Variants in GALNT9 observed in about 807,000 individuals in gnomAD.
GALNT9 encodes GalNAc transferase 9.
A neutral mutation model predicts 63.1 loss-of-function variants in GALNT9; 47 were observed. The observed-to-expected ratio is 0.75, with a 90% confidence interval of 0.59 to 0.95. The LOEUF (loss-of-function observed/expected upper bound fraction) is 0.95, where lower values mean the gene tolerates loss of function less well. Among genes scored for constraint, GALNT9 ranks in the 40% least tolerant of loss-of-function variants. GALNT9 has a pLI of 0.00. For missense variants in GALNT9, 829 were observed against 874.8 expected (o/e 0.95, Z 0.66); for synonymous variants, 396 against 365.7 (o/e 1.08, Z -0.94).
rs527863301 is a variant in GALNT9 at position 132,314,503 on chromosome 12, T to C, written c.238+14463A>G. On this transcript the variant is annotated intron_variant, in intron 1 of 10. Coordinates refer to ENST00000328957, the MANE Select transcript of GALNT9 (RefSeq NM_001122636.2). ...GAGGAAACCAAGGCTCAGAGAGGAGTAGTGACTTGCCCGAGGTCACCCCAT... is the reference window on the plus strand; with the variant it reads ...GAGGAAACCAAGGCTCAGAGAGGAGCAGTGACTTGCCCGAGGTCACCCCAT... 3.3e-5 allele frequency among the ~76,000 whole-genome samples: 5 copies of C among 152,000 alleles called. No homozygotes were observed. In the South Asian group the frequency reaches 6.2e-4, roughly 19 times the overall value.
At position 132,196,467 on chromosome 12, in the gene GALNT9, C is replaced by T; in HGVS notation, c.*640G>A. 1 of 985,552 alleles carries T rather than the reference C, an allele frequency of 1.0e-6. No individual in the cohort carries two copies. Among genetic ancestry groups the T allele is most frequent in the Non-Finnish European group, 1.2e-6 (1 of 830,028 alleles). 61.1% of individuals were successfully genotyped at this position (985,552 alleles called of 1,614,324 possible). On this transcript the variant is annotated 3_prime_UTR_variant, in exon 11 of 11. Coordinates refer to ENST00000328957, the MANE Select transcript of GALNT9 (RefSeq NM_001122636.2). ...GCCTGGGAAAGAGGTGGGACCGGGC[C>T]CCAACCCCCAGCTCGGCTCCCAGGA...
At chr12:132,260,733 G>T (rs1175704776) in intron 4 of GALNT9, among the ~76,000 whole-genome samples, 2 of 152,282 alleles carry the variant, frequency 1.3e-5, no homozygotes, top group Admixed American at 1.3e-4. Context: ...CCCTCCCGTG[G>T]TTTTGCATTC....
At chr12:132,198,035 G>A (rs1235128094) in intron 9 of GALNT9, 76 bp from the exon 10 acceptor site, 2 of 1,194,190 alleles carry the variant, frequency 1.7e-6, no homozygotes, top group Non-Finnish European at 2.4e-6. Flanking sequence ...GGCCGTGCGA[G>A]CTGCCTTGAG....
At chr12:132,258,947 G>A (rs2135542644) in intron 4 of GALNT9, among the ~76,000 whole-genome samples, 3 of 129,988 alleles carry the variant, frequency 2.3e-5, no homozygotes, top group African/African-American at 6.7e-5. Flanking sequence ...GGCAGATTCG[G>A]GTCGGCTCAG....
Position 132,327,889 on chromosome 12 carries a change from C to T in GALNT9, c.238+1077G>A, listed in dbSNP as rs1255713196. 6.6e-6 allele frequency among the ~76,000 whole-genome samples: 1 copy of T among 151,796 alleles called. No individual in the cohort carries two copies. Among genetic ancestry groups the T allele is most frequent in the Non-Finnish European group, 1.5e-5 (1 of 67,944 alleles). Reference sequence around the variant, plus strand: ...CTGAAGGAAACGCAAGACCACCCCCCGCCTTTGCCCCCACACACAGCAGGC... The same window carrying T: ...CTGAAGGAAACGCAAGACCACCCCCTGCCTTTGCCCCCACACACAGCAGGC... On this transcript the variant is annotated intron_variant, in intron 1 of 10. Coordinates refer to ENST00000328957, the MANE Select transcript of GALNT9 (RefSeq NM_001122636.2). The surrounding 1 kb of genome is among the most constrained non-coding windows in gnomAD (Gnocchi z 4.3).
Position 132,196,870 on chromosome 12 carries a change from A to G in GALNT9, c.*237T>C. On this transcript the variant is annotated 3_prime_UTR_variant, in exon 11 of 11. Coordinates refer to ENST00000328957, the MANE Select transcript of GALNT9 (RefSeq NM_001122636.2). ...GAAGGCACGTGTTTGAGTTGGCATCACTGTCCCCAGACGCCCTCCCTCGGG... is the reference window on the plus strand; with the variant it reads ...GAAGGCACGTGTTTGAGTTGGCATCGCTGTCCCCAGACGCCCTCCCTCGGG... 1 of 1,354,674 alleles carries G rather than the reference A, an allele frequency of 7.4e-7. No individual in the cohort carries two copies. Among genetic ancestry groups the G allele is most frequent in the Non-Finnish European group, 9.5e-7 (1 of 1,052,498 alleles). 83.9% of individuals were successfully genotyped at this position (1,354,674 alleles called of 1,614,324 possible).
chr12:132,286,107 G>T lies in GALNT9; in HGVS notation c.419+143C>A. On this transcript the variant is annotated intron_variant, in intron 2 of 10. Coordinates refer to ENST00000328957, the MANE Select transcript of GALNT9 (RefSeq NM_001122636.2). The surrounding 1 kb of genome is among the most constrained non-coding windows in gnomAD (Gnocchi z 7.4). ...GGGGGCGGTCACTTCCCCGGCGGGC[G>T]TGGGGGGCGGTCACTTCCCTGGCGG... 1 of 1,115,084 alleles carries T rather than the reference G, an allele frequency of 9.0e-7. No homozygotes were observed. The highest frequency in any genetic ancestry group is 1.2e-6 in the Non-Finnish European group (1 of 818,450). 69.1% of individuals were successfully genotyped at this position (1,115,084 alleles called of 1,614,324 possible). A position where few individuals can be genotyped will look rare whatever the true frequency, so the allele number is the denominator to read the frequency against.
Position 132,252,899 on chromosome 12 carries a change from C to T in GALNT9, c.959+4790G>A, listed in dbSNP as rs1048211743. On this transcript the variant is annotated intron_variant, in intron 5 of 10. Transcript: ENST00000328957. This position sits in a 1 kb window ranked among gnomAD's most constrained non-coding sequence, Gnocchi z 5.2. ...ACTGCCTCAAAAAAAAAAAAAGACA[C>T]GGAGACCAGTAGTGGCCCCGAACGG... 6.0e-5 allele frequency among the ~76,000 whole-genome samples: 9 copies of T among 151,158 alleles called. No individual in the cohort carries two copies. Among genetic ancestry groups the T allele is most frequent in the Admixed American group, 2.6e-4 (4 of 15,164 alleles).
At position 132,319,513 on chromosome 12, in the gene GALNT9, G is replaced by A. The variant is rs1179844555; in HGVS notation, c.238+9453C>T. Among the ~76,000 whole-genome samples, 2 of 152,216 alleles carry A rather than the reference G, an allele frequency of 1.3e-5. No individual in the cohort carries two copies. The highest frequency in any genetic ancestry group is 2.9e-5 in the Non-Finnish European group (2 of 68,044). The stretch of plus-strand genomic sequence containing the variant: ...CAGCTTCCCGGGCCTGCAGCTTGCA[G>A]ACGGCAGATGATGGGGCCTCTTGGT... On this transcript the variant is annotated intron_variant, in intron 1 of 10. Transcript: ENST00000328957. This position sits in a 1 kb window ranked among gnomAD's most constrained non-coding sequence, Gnocchi z 5.2.
intron 1 of GALNT9, among the ~76,000 whole-genome samples, chr12:132,292,393 G>T (rs574702745): frequency 1.3e-5 from 2 of 152,182 alleles, no homozygotes; most frequent in East Asian, 3.9e-4. Flanking sequence ...CCCCATCCCC[G>T]CAATGAAGAG....
At chr12:132,230,601 T>A (rs1877853998) in intron 6 of GALNT9, among the ~76,000 whole-genome samples, 1 of 149,258 alleles carries the variant, frequency 6.7e-6, no homozygotes. Flanking sequence ...CTGGCCCTCG[T>A]GGCGGGGAAG....
intron 6 of GALNT9, chr12:132,240,694 T>C: frequency 2.2e-6 from 1 of 455,982 alleles, no homozygotes; most frequent in South Asian, 1.5e-5. Context: ...ATTCTGTTTA[T>C]AATTTACCTT....
At chr12:132,199,856 G>A (rs1460218452) in intron 8 of GALNT9, among the ~76,000 whole-genome samples, 1 of 152,234 alleles carries the variant, frequency 6.6e-6, no homozygotes, top group Non-Finnish European at 1.5e-5. Context: ...GTGAGCAAGT[G>A]TAGATGCTTA....
At chr12:132,228,985 C>T (rs1192810859) in intron 6 of GALNT9, among the ~76,000 whole-genome samples, 3 of 152,180 alleles carry the variant, frequency 2.0e-5, no homozygotes, top group East Asian at 1.9e-4. Flanking sequence ...GAGAGGCCGC[C>T]GGTGTGGACG....
rs1249641556 is a variant in GALNT9 at position 132,246,040 on chromosome 12, T to G, written c.1077+1870A>C. Among the ~76,000 whole-genome samples the G allele has an allele frequency of 1.3e-5, 2 of 152,204 alleles. No individual in the cohort carries two copies. The highest frequency in any genetic ancestry group is 4.8e-5 in the African/African-American group (2 of 41,464). On this transcript the variant is annotated intron_variant, in intron 6 of 10. Coordinates refer to ENST00000328957, the MANE Select transcript of GALNT9 (RefSeq NM_001122636.2). The surrounding 1 kb of genome is among the most constrained non-coding windows in gnomAD (Gnocchi z 4.7). ...TCCATCCCTCTGAGGGCCTCGGCTT[T>G]CTTAGGCCCCTGACTGCTGGCCTGG...
At chr12:132,292,244 C>T (rs1331240268) in intron 1 of GALNT9, among the ~76,000 whole-genome samples, 2 of 152,248 alleles carry the variant, frequency 1.3e-5, no homozygotes, top group African/African-American at 4.8e-5. Flanking sequence ...TTTGTCCTGC[C>T]TTCCTGCCAT....
In GALNT9 at chr12:132,316,806, C is replaced by A. The variant is rs1378655493; in HGVS notation, c.238+12160G>T. 6.6e-6 allele frequency among the ~76,000 whole-genome samples: 1 copy of A among 152,026 alleles called. No individual in the cohort carries two copies. Among genetic ancestry groups the A allele is most frequent in the Non-Finnish European group, 1.5e-5 (1 of 67,988 alleles). ...GGACCCATAGGGACATTTGGTGAGA[C>A]CTGGGCAGGTTTGGCTGTCACACCT... On this transcript the variant is annotated intron_variant, in intron 1 of 10. Transcript: ENST00000328957. This position sits in a 1 kb window ranked among gnomAD's most constrained non-coding sequence, Gnocchi z 4.3.
intron 6 of GALNT9, among the ~76,000 whole-genome samples, chr12:132,216,901 G>T (rs879366007): frequency 4.6e-5 from 7 of 152,210 alleles, no homozygotes; most frequent in Non-Finnish European, 7.3e-5. Flanking sequence ...GGATAACTTG[G>T]CTCTTTCTTG....
chr12:132,198,333 C>A (rs1422463033), intron 9 of GALNT9, among the ~76,000 whole-genome samples: 1 of 152,174 alleles, frequency 6.6e-6, no homozygotes, highest in East Asian at 1.9e-4. Context: ...AACACGCATT[C>A]CCGTGGGGTT....
Sources: gnomAD v4.1 joint callset for allele counts (sites outside exome capture counted in the v4.1 genomes callset) on GRCh38, gnomAD v4.1.1 for gene constraint, Gnocchi (gnomAD v3.1) non-coding constraint, MANE v1.5 for transcripts, NCBI Gene and HGNC (gene_info 2026-07-23, HGNC 2026-07-21) for gene names.